GLUD1: variants seen among roughly 807,000 people sequenced by gnomAD.
GLUD1 encodes the protein glutamate dehydrogenase 1, mitochondrial.
GLUD1 carries 22 observed loss-of-function variants against 56.0 expected under a neutral mutation model. That is an observed-to-expected ratio of 0.39 (90% CI 0.28 to 0.56). The LOEUF (loss-of-function observed/expected upper bound fraction) is 0.56. GLUD1 is among the 20% of genes least tolerant of loss of function. GLUD1 has a pLI of 0.58. For synonymous variants in GLUD1, 223 were observed against 269.9 expected, an observed-to-expected ratio of 0.83 and a Z score of 1.70; for missense variants, 451 against 732.0, an observed-to-expected ratio of 0.62 and a Z score of 4.43.
chr10:87,054,966 A>G (rs1845728073), intron 11 of GLUD1, among the ~76,000 whole-genome samples: 1 of 152,250 alleles, frequency 6.6e-6, no homozygotes, highest in African/African-American at 2.4e-5. Context: ...AGGCTGCATC[A>G]GTTTTATCTG....
In GLUD1 at chr10:87,060,595, A is replaced by C; in HGVS notation, c.1197+93T>G. 7 of 1,498,168 alleles carry C rather than the reference A, an allele frequency of 4.7e-6. No individual in the cohort carries two copies. In the South Asian group the frequency reaches 7.9e-5, roughly 17 times the overall value. 92.8% of individuals were successfully genotyped at this position (1,498,168 alleles called of 1,614,324 possible). On this transcript the variant is annotated intron_variant, in intron 8 of 12. Coordinates refer to ENST00000277865, the MANE Select transcript of GLUD1 (RefSeq NM_005271.5). ...GCAGTATGTGCCAATAAAGCTGCTA[A>C]AAAGAAAGAGAAAACTCAATCAGAC...
intron 11 of GLUD1, among the ~76,000 whole-genome samples, chr10:87,054,311 C>A (rs1845711655): frequency 6.6e-6 from 1 of 152,094 alleles, no homozygotes; most frequent in Non-Finnish European, 1.5e-5. Flanking sequence ...CTAAGTGGAT[C>A]ATTGAAGTTT....
At chr10:87,089,334 C>T (rs773211073) in intron 1 of GLUD1, among the ~76,000 whole-genome samples, 7 of 152,206 alleles carry the variant, frequency 4.6e-5, no homozygotes, top group Non-Finnish European at 1.0e-4. Flanking sequence ...CCACTACGTA[C>T]TAGCTGTGTC....
chr10:87,082,137 G>T (rs1196602705), intron 1 of GLUD1, among the ~76,000 whole-genome samples: 7 of 152,118 alleles, frequency 4.6e-5, no homozygotes, highest in Non-Finnish European at 1.0e-4. Context: ...CTTGCATTTA[G>T]TGGGGAGCTA....
Position 87,090,322 on chromosome 10 carries a change from T to G in GLUD1, c.445+4003A>C, listed in dbSNP as rs1187561718. On this transcript the variant is annotated intron_variant, in intron 1 of 12. Coordinates refer to ENST00000277865, the MANE Select transcript of GLUD1 (RefSeq NM_005271.5). ...TGTACTTAAACACTACAAGTTGTAC[T>G]GAACTTTAATATATATTGGTGCTTA... Among the ~76,000 whole-genome samples, 3 of 152,250 alleles carry G rather than the reference T, an allele frequency of 2.0e-5. No individual in the cohort carries two copies. The South Asian group carries it at 6.2e-4, about 31-fold the overall frequency.
chr10:87,068,010 A>T, intron 5 of GLUD1, 53 bp downstream of exon 5: 1 of 1,037,134 alleles, frequency 9.6e-7, no homozygotes, highest in Non-Finnish European at 1.5e-6. Context: ...TCAAACTGTT[A>T]ATTCTTGTAG....
chr10:87,062,619 C>A, intron 6 of GLUD1, 37 bp downstream of exon 6: 3 of 1,414,840 alleles, frequency 2.1e-6, no homozygotes, highest in Non-Finnish European at 3.0e-6. Context: ...TAATGTCTAT[C>A]AGTTATTAAG....
chr10:87,077,679 T>TAA (rs758420678), intron 1 of GLUD1, among the ~76,000 whole-genome samples: 16 of 151,888 alleles, frequency 1.1e-4, no homozygotes, highest in Non-Finnish European at 2.2e-4. Flanking sequence ...TTTGGAGTGC[T>TAA]AATCCACCTT....
At chr10:87,093,566 A>G (rs547231254) in intron 1 of GLUD1, among the ~76,000 whole-genome samples, 1 of 152,336 alleles carries the variant, frequency 6.6e-6, no homozygotes. Flanking sequence ...ATTCAGGGCT[A>G]GCCAGGACCA....
chr10:87,059,262 C>G lies in GLUD1; in HGVS notation c.1290G>C (p.Leu430Phe). The G allele has an allele frequency of 6.2e-7, 1 of 1,613,664 alleles. No homozygotes were observed. Among genetic ancestry groups the G allele is most frequent in the Non-Finnish European group, 8.5e-7 (1 of 1,179,640 alleles). Residue 430 changes from leucine to phenylalanine, a missense_variant, in exon 10 of 13, where the codon TTG (leucine) becomes TTC (phenylalanine). Physicochemically the swap from Leu to Phe is conservative, Grantham distance 22. Transcript: ENST00000277865. Reference protein sequence around the residue: ...RNIMVIPDLYLNAGGVTVSYF... With the variant: ...RNIMVIPDLYFNAGGVTVSYF... ...AAGATACTGTCACTCCTCCAGCATT[C>G]AAGTAGAGATCCTATGCACAAAAAT...
chr10:87,086,832 GAAAAAAA>G (rs367807316), intron 1 of GLUD1, among the ~76,000 whole-genome samples: 15 of 70,454 alleles, frequency 2.1e-4, no homozygotes, highest in South Asian at 5.0e-4. Context: ...CCGTCTCAAA[GAAAAAAA>G]AAAAAAAAAA....
At chr10:87,053,796 G>C (rs998638287) in intron 11 of GLUD1, among the ~76,000 whole-genome samples, 1 of 152,154 alleles carries the variant, frequency 6.6e-6, no homozygotes, top group Non-Finnish European at 1.5e-5. Context: ...GCTCCCCAGA[G>C]AACAGGGACA....
In GLUD1 at chr10:87,091,414, G is replaced by T. The variant is rs903047122; in HGVS notation, c.445+2911C>A. Among the ~76,000 whole-genome samples the T allele has an allele frequency of 3.3e-5, 5 of 152,170 alleles. No individual in the cohort carries two copies. The South Asian group carries it at 8.3e-4, about 25-fold the overall frequency. On this transcript the variant is annotated intron_variant, in intron 1 of 12. Transcript: ENST00000277865. Reference sequence around the variant, plus strand: ...AAATGAAATACAGATAATTTACTCTGGGAAAGTTAATAGAACAATCTTTGA... The same window carrying T: ...AAATGAAATACAGATAATTTACTCTTGGAAAGTTAATAGAACAATCTTTGA...
In GLUD1 at chr10:87,094,255, C is replaced by G. The variant is rs1841647080; in HGVS notation, c.445+70G>C. 3 of 1,520,372 alleles carry G rather than the reference C, an allele frequency of 2.0e-6. No individual in the cohort carries two copies. Among genetic ancestry groups the G allele is most frequent in the Non-Finnish European group, 2.7e-6 (3 of 1,126,230 alleles). The allele number at this position is 1,520,372 out of a possible 1,614,324, so 94.2% of individuals were successfully genotyped here. A position where few individuals can be genotyped will look rare whatever the true frequency, so the allele number is the denominator to read the frequency against. ...GCTGGGCTGAGCAGCGGCCCCGCAC[C>G]GGCAGGAGGCCGGAGGGGAGGGCCG... On this transcript the variant is annotated intron_variant, in intron 1 of 12. Coordinates refer to ENST00000277865, the MANE Select transcript of GLUD1 (RefSeq NM_005271.5). This position sits in a 1 kb window ranked among gnomAD's most constrained non-coding sequence, Gnocchi z 6.6.
chr10:87,075,959 C>T lies in GLUD1; in HGVS notation c.582+9G>A, dbSNP rs1454120972. On this transcript the variant is annotated intron_variant, in intron 3 of 12. Coordinates refer to ENST00000277865, the MANE Select transcript of GLUD1 (RefSeq NM_005271.5). ...AACAATAAAAAACAAATATCACTTTCATACTTACAGTATAGTTCTTGGGAT... is the reference window on the plus strand; with the variant it reads ...AACAATAAAAAACAAATATCACTTTTATACTTACAGTATAGTTCTTGGGAT... 6.5e-7 allele frequency: 1 copy of T among 1,534,990 alleles called. No homozygotes were observed. Among genetic ancestry groups the T allele is most frequent in the African/African-American group, 1.4e-5 (1 of 73,564 alleles).
chr10:87,064,913 A>C (rs1007664417), intron 5 of GLUD1, among the ~76,000 whole-genome samples: 2 of 152,168 alleles, frequency 1.3e-5, no homozygotes, highest in African/African-American at 4.8e-5. Flanking sequence ...AGAGAAGAAT[A>C]CATTCTCCCA....
At chr10:87,079,266 G>T (rs558169001) in intron 1 of GLUD1, among the ~76,000 whole-genome samples, 1 of 149,156 alleles carries the variant, frequency 6.7e-6, no homozygotes, top group Non-Finnish European at 1.5e-5. Context: ...TGAATCATTT[G>T]TATCTTAAAA....
At chr10:87,092,909 G>C (rs1841549176) in intron 1 of GLUD1, among the ~76,000 whole-genome samples, 1 of 152,172 alleles carries the variant, frequency 6.6e-6, no homozygotes, top group Non-Finnish European at 1.5e-5. Flanking sequence ...TAAGGGAGTG[G>C]TAGGAAGAAG....
At chr10:87,061,696 A>G (rs980554348) in intron 6 of GLUD1, among the ~76,000 whole-genome samples, 5 of 151,500 alleles carry the variant, frequency 3.3e-5, no homozygotes, top group Non-Finnish European at 7.4e-5. Context: ...GGCTCACTGC[A>G]GCCTCTGCCT....
Sources: gnomAD v4.1 joint callset for allele counts (sites outside exome capture counted in the v4.1 genomes callset) on GRCh38, gnomAD v4.1.1 for gene constraint, Gnocchi (gnomAD v3.1) non-coding constraint, MANE v1.5 for transcripts, NCBI Gene and HGNC (gene_info 2026-07-23, HGNC 2026-07-21) for gene names.